The following CCSER1 variants were observed in gnomAD, a reference collection of about 807,000 sequenced individuals.
The protein encoded by CCSER1 is coiled-coil serine rich protein 1.
A neutral mutation model predicts 82.0 loss-of-function variants in CCSER1; 41 were observed. The observed-to-expected ratio is 0.50, with a 90% CI of 0.39 to 0.65. CCSER1 has a LOEUF of 0.65. Among genes scored for constraint, CCSER1 ranks in the 30% least tolerant of loss-of-function variants. The pLI is 0.00. For missense variants in CCSER1, 1,119 were observed against 1,064.2 expected, an observed-to-expected ratio of 1.05 and a Z score of -0.72; for synonymous variants, 414 against 383.9, an observed-to-expected ratio of 1.08 and a Z score of -0.92.
chr4:91,051,253 T>G (rs1742979670), intron 9 of CCSER1, among the ~76,000 whole-genome samples: 1 of 152,028 alleles, frequency 6.6e-6, no homozygotes, highest in Non-Finnish European at 1.5e-5. Context: ...AAAAAACAAA[T>G]CAAACGCATT....
At chr4:91,348,459 G>C (rs1748225232) in intron 10 of CCSER1, among the ~76,000 whole-genome samples, 1 of 152,112 alleles carries the variant, frequency 6.6e-6, no homozygotes, top group South Asian at 2.1e-4. Flanking sequence ...GATTTGTCTG[G>C]TTCTGGATTA....
At chr4:91,514,801 G>A (rs1007091355) in intron 10 of CCSER1, among the ~76,000 whole-genome samples, 1 of 152,184 alleles carries the variant, frequency 6.6e-6, no homozygotes, top group African/African-American at 2.4e-5. Context: ...CTGAAAGACA[G>A]CAGGCTCACA....
intron 1 of CCSER1, among the ~76,000 whole-genome samples, chr4:90,296,099 C>G (rs1023412621): frequency 6.6e-6 from 1 of 152,106 alleles, no homozygotes; most frequent in East Asian, 1.9e-4. Flanking sequence ...ACATTGCCAC[C>G]GCTCAACAAA....
intron 10 of CCSER1, among the ~76,000 whole-genome samples, chr4:91,106,490 C>T (rs1725629958): frequency 6.6e-6 from 1 of 152,208 alleles, no homozygotes; most frequent in South Asian, 2.1e-4. Flanking sequence ...CTTAACTAAA[C>T]ACTTCTATTC....
At chr4:91,211,491 C>G (rs959642252) in intron 10 of CCSER1, among the ~76,000 whole-genome samples, 1 of 151,982 alleles carries the variant, frequency 6.6e-6, no homozygotes, top group African/African-American at 2.4e-5. Flanking sequence ...CAAAAGTGTT[C>G]TGAAAATAAT....
intron 9 of CCSER1, among the ~76,000 whole-genome samples, chr4:91,077,469 A>G (rs753712328): frequency 1.3e-5 from 2 of 152,258 alleles, no homozygotes; most frequent in Non-Finnish European, 1.5e-5. Context: ...AAATTCAGTC[A>G]ATAGAAACAG....
At chr4:90,822,382 C>T (rs990528578) in intron 8 of CCSER1, among the ~76,000 whole-genome samples, 7 of 152,168 alleles carry the variant, frequency 4.6e-5, no homozygotes, top group South Asian at 2.1e-4. Flanking sequence ...GTTTTCTAGC[C>T]GATCGGGGTA....
At chr4:90,157,918 G>GCC (rs1728599781) in intron 1 of CCSER1, among the ~76,000 whole-genome samples, 2 of 152,210 alleles carry the variant, frequency 1.3e-5, no homozygotes, top group Non-Finnish European at 2.9e-5. Flanking sequence ...TGCTGGTGAG[G>GCC]AACTATGTTC....
intron 8 of CCSER1, among the ~76,000 whole-genome samples, chr4:90,817,625 A>G (rs1353236722): frequency 6.6e-6 from 1 of 151,604 alleles, no homozygotes; most frequent in Non-Finnish European, 1.5e-5. Context: ...TTGAATAAAC[A>G]GGAAAAATGT....
chr4:90,840,965 A>T (rs189204333), intron 8 of CCSER1, among the ~76,000 whole-genome samples: 19 of 152,276 alleles, frequency 1.2e-4, no homozygotes, highest in Admixed American at 1.2e-3. Flanking sequence ...CATAAAGCAG[A>T]TTACCTAAGA....
intron 3 of CCSER1, chr4:90,370,470 A>G (rs191954215): frequency 6.6e-6 from 1 of 152,190 alleles, no homozygotes; most frequent in African/African-American, 2.4e-5. Context: ...TGTAATCTTG[A>G]ATTTAAAATA....
chr4:90,574,001 G>A (rs1226028354), intron 5 of CCSER1, among the ~76,000 whole-genome samples: 1 of 150,444 alleles, frequency 6.6e-6, no homozygotes, highest in Non-Finnish European at 1.5e-5. Flanking sequence ...GTTATACTAT[G>A]GAGTGAATGA....
intron 3 of CCSER1, among the ~76,000 whole-genome samples, chr4:90,352,828 G>A (rs1044912910): frequency 6.6e-6 from 1 of 152,098 alleles, no homozygotes; most frequent in African/African-American, 2.4e-5. Flanking sequence ...AAGGCACTTA[G>A]TAAAGTATAC....
At chr4:90,937,256 G>C (rs996568697) in intron 9 of CCSER1, among the ~76,000 whole-genome samples, 1 of 152,114 alleles carries the variant, frequency 6.6e-6, no homozygotes, top group African/African-American at 2.4e-5. Flanking sequence ...GAACTCGAGT[G>C]ATGGGTCACT....
At chr4:90,401,406 G>A (rs1198808929) in intron 4 of CCSER1, among the ~76,000 whole-genome samples, 1 of 152,118 alleles carries the variant, frequency 6.6e-6, no homozygotes, top group Non-Finnish European at 1.5e-5. Context: ...GAAAAATATT[G>A]GAAGCACCTG....
At chr4:90,706,367 G>A (rs907910151) in intron 6 of CCSER1, among the ~76,000 whole-genome samples, 1 of 152,134 alleles carries the variant, frequency 6.6e-6, no homozygotes, top group African/African-American at 2.4e-5. Flanking sequence ...GATCTCTTAA[G>A]CCCCAAAGTT....
intron 10 of CCSER1, among the ~76,000 whole-genome samples, chr4:91,400,282 T>C (rs146138519): frequency 8.5e-4 from 130 of 152,070 alleles, no homozygotes; most frequent in African/African-American, 3.1e-3. Context: ...ATTTTGTTGA[T>C]CTCACTAATT....
intron 9 of CCSER1, among the ~76,000 whole-genome samples, chr4:91,070,840 A>T (rs1270510017): frequency 1.3e-5 from 2 of 152,200 alleles, no homozygotes; most frequent in Non-Finnish European, 2.9e-5. Flanking sequence ...TAACAATTTT[A>T]AAAAATAAAG....
intron 8 of CCSER1, among the ~76,000 whole-genome samples, chr4:90,917,970 G>A (rs1727752290): frequency 6.6e-6 from 1 of 151,654 alleles, no homozygotes; most frequent in Admixed American, 6.6e-5. Context: ...TCTAAATTTA[G>A]GATTATACTA....
Sources: gnomAD v4.1 joint callset for allele counts (sites outside exome capture counted in the v4.1 genomes callset) on GRCh38, gnomAD v4.1.1 for gene constraint, MANE v1.5 for transcripts, NCBI Gene and HGNC (gene_info 2026-07-23, HGNC 2026-07-21) for gene names.